Variants in PTPRD observed in about 807,000 individuals in gnomAD.
The protein encoded by PTPRD is protein tyrosine phosphatase receptor type D, also known as receptor-type tyrosine-protein phosphatase delta.
A neutral mutation model predicts 214.5 loss-of-function variants in PTPRD; 34 were observed. That is an observed-to-expected ratio of 0.16 (90% CI 0.12 to 0.21). The LOEUF is 0.21. Among genes scored for constraint, PTPRD ranks in the 10% least tolerant of loss-of-function variants. The pLI is 1.00. For missense variants in PTPRD, 2,545 were observed against 2,398.7 expected (o/e 1.06, Z -1.27); for synonymous variants, 1,128 against 845.7 (o/e 1.33, Z -5.79).
intron 5 of PTPRD, among the ~76,000 whole-genome samples, chr9:9,771,665 A>T (rs1323342852): frequency 6.6e-6 from 1 of 152,204 alleles, no homozygotes; most frequent in Admixed American, 6.5e-5. Context: ...TTCCCTACTG[A>T]CATACAACCC....
intron 9 of PTPRD, among the ~76,000 whole-genome samples, chr9:9,240,416 T>C (rs1412563090): frequency 6.6e-6 from 1 of 152,160 alleles, no homozygotes; most frequent in East Asian, 1.9e-4. Flanking sequence ...CTCATGCCTA[T>C]AATCCCAGCA....
intron 9 of PTPRD, among the ~76,000 whole-genome samples, chr9:9,189,602 CT>C (rs1364598906): frequency 6.6e-6 from 1 of 151,954 alleles, no homozygotes; most frequent in Admixed American, 6.6e-5. Context: ...TTATAACTGT[CT>C]ATATGGTTAT....
At chr9:10,215,574 G>C (rs1013737470) in intron 3 of PTPRD, among the ~76,000 whole-genome samples, 1 of 151,792 alleles carries the variant, frequency 6.6e-6, no homozygotes, top group South Asian at 2.1e-4. Context: ...TGTCAACTTG[G>C]GAAAATAATT....
chr9:10,522,478 A>G lies in PTPRD; in HGVS notation c.-600+89920T>C, dbSNP rs56083576. ...CATGGTGTAATTTCCAAAAGCTTGA[A>G]CTTTCTAAAGGAATAAACAAACCTG... On this transcript the variant is annotated intron_variant, in intron 2 of 45. Coordinates refer to ENST00000381196, the MANE Select transcript of PTPRD (RefSeq NM_002839.4). Among the ~76,000 whole-genome samples the G allele has an allele frequency of 1.0e-3, 152 of 152,268 alleles. 1 individual carries two copies. Among genetic ancestry groups the G allele is most frequent in the Non-Finnish European group, 1.7e-3 (118 of 68,008 alleles).
intron 5 of PTPRD, among the ~76,000 whole-genome samples, chr9:9,882,221 A>G (rs1369205198): frequency 6.6e-6 from 1 of 151,976 alleles, no homozygotes; most frequent in Non-Finnish European, 1.5e-5. Flanking sequence ...CTCTCTCCTC[A>G]TTATCATGTC....
intron 4 of PTPRD, among the ~76,000 whole-genome samples, chr9:9,984,583 T>C (rs1278812502): frequency 1.3e-5 from 2 of 152,212 alleles, no homozygotes; most frequent in East Asian, 3.8e-4. Flanking sequence ...GCCCCGTGGC[T>C]ACCTTCTGGA....
chr9:10,410,253 G>GTATATATATATA (rs34284610), intron 2 of PTPRD, among the ~76,000 whole-genome samples: 8,233 of 126,836 alleles, frequency 0.065, 366 homozygotes, highest in Non-Finnish European at 0.085. Context: ...CATATTTTGT[G>GTATATATATATA]TATATATATA....
intron 11 of PTPRD, among the ~76,000 whole-genome samples, chr9:8,937,211 T>C (rs2099003710): frequency 6.6e-6 from 1 of 152,190 alleles, no homozygotes; most frequent in Non-Finnish European, 1.5e-5. Context: ...ATTACTATTA[T>C]CACCTGATGA....
At chr9:8,386,047 T>A (rs1243804630) in intron 37 of PTPRD, among the ~76,000 whole-genome samples, 1 of 152,202 alleles carries the variant, frequency 6.6e-6, no homozygotes, top group Admixed American at 6.5e-5. Context: ...AGCCCCCAAC[T>A]TCTTTACCAA....
chr9:9,599,705 T>C (rs2093615619), intron 7 of PTPRD, among the ~76,000 whole-genome samples: 1 of 152,128 alleles, frequency 6.6e-6, no homozygotes, highest in African/African-American at 2.4e-5. Context: ...TTCTAATTGC[T>C]ATAATCAGTA....
chr9:10,267,305 A>G (rs2094136789), intron 3 of PTPRD, among the ~76,000 whole-genome samples: 1 of 152,122 alleles, frequency 6.6e-6, no homozygotes. Flanking sequence ...AGATATACAA[A>G]TTATAGGCAC....
chr9:8,925,060 T>C (rs954691441), intron 11 of PTPRD, among the ~76,000 whole-genome samples: 8 of 152,198 alleles, frequency 5.3e-5, no homozygotes, highest in African/African-American at 7.2e-5. Context: ...CAATTCTTCC[T>C]GCTCTTTTTA....
chr9:9,347,181 G>T (rs927185097), intron 9 of PTPRD, among the ~76,000 whole-genome samples: 1 of 151,954 alleles, frequency 6.6e-6, no homozygotes, highest in African/African-American at 2.4e-5. Context: ...ACAAACATAA[G>T]CCTCTTCAAA....
At chr9:8,570,779 T>C (rs10977209) in intron 14 of PTPRD, among the ~76,000 whole-genome samples, 31,456 of 151,704 alleles carry the variant, frequency 0.21, 3,779 homozygotes, top group African/African-American at 0.33. Context: ...TGGTGATGGA[T>C]TGGTAATGCT....
intron 9 of PTPRD, among the ~76,000 whole-genome samples, chr9:9,242,629 G>A (rs563836163): frequency 5.9e-4 from 90 of 152,094 alleles, no homozygotes; most frequent in African/African-American, 1.9e-3. Flanking sequence ...CCAGTTGATC[G>A]AATCAGCTAC....
rs147193469 is a variant in PTPRD at position 9,073,072 on chromosome 9, C to T, written c.-142-54337G>A. On this transcript the variant is annotated intron_variant, in intron 10 of 45. Transcript: ENST00000381196. ...TAATGGTGAAACCAATGGAAGAAATCAGTGGAGAAATAAAAAGGGGTAAAG... is the reference window on the plus strand; with the variant it reads ...TAATGGTGAAACCAATGGAAGAAATTAGTGGAGAAATAAAAAGGGGTAAAG... 5.0e-3 allele frequency among the ~76,000 whole-genome samples: 757 copies of T among 152,136 alleles called. 12 individuals carry two copies. Among genetic ancestry groups the T allele is most frequent in the African/African-American group, 0.017 (721 of 41,494 alleles).
intron 9 of PTPRD, among the ~76,000 whole-genome samples, chr9:9,326,403 A>G (rs1265227774): frequency 6.6e-6 from 1 of 152,154 alleles, no homozygotes; most frequent in Non-Finnish European, 1.5e-5. Context: ...TATTTGAAAT[A>G]AAAGTTGCTG....
At chr9:10,554,051 C>T (rs191227671) in intron 2 of PTPRD, among the ~76,000 whole-genome samples, 1 of 152,122 alleles carries the variant, frequency 6.6e-6, no homozygotes, top group African/African-American at 2.4e-5. Context: ...CATACAAGAA[C>T]ATCACAAAGT....
chr9:10,512,027 T>TATAC (rs2048409959), intron 2 of PTPRD, among the ~76,000 whole-genome samples: 1 of 57,842 alleles, frequency 1.7e-5, no homozygotes, highest in South Asian at 5.6e-4. Context: ...TGTATATATA[T>TATAC]ATGTATATAT....
Sources: gnomAD v4.1 joint callset for allele counts (sites outside exome capture counted in the v4.1 genomes callset) on GRCh38, gnomAD v4.1.1 for gene constraint, MANE v1.5 for transcripts, NCBI Gene and HGNC (gene_info 2026-07-23, HGNC 2026-07-21) for gene names.